NTM: variants seen among roughly 807,000 people sequenced by gnomAD.
NTM encodes IgLON family member 2.
Under a neutral mutation model 42.1 loss-of-function variants are expected in NTM, and 13 were observed. The observed-to-expected ratio is 0.31, with a 90% CI of 0.20 to 0.49. The LOEUF is 0.49. NTM is among the 20% of genes least tolerant of loss of function. NTM has a pLI of 0.99. For synonymous variants in NTM, 187 were observed against 179.2 expected (o/e 1.04, Z -0.35); for missense variants, 373 against 452.8 (o/e 0.82, Z 1.60).
At chr11:131,418,643 A>G (rs1947190572) in intron 1 of NTM, among the ~76,000 whole-genome samples, 1 of 152,218 alleles carries the variant, frequency 6.6e-6, no homozygotes, top group Middle Eastern at 3.2e-3. Flanking sequence ...CAGACTAGAC[A>G]TGATTATGTT....
chr11:131,951,821 CAAAAAAAAA>C (rs11366451), intron 2 of NTM, among the ~76,000 whole-genome samples: 1 of 70,154 alleles, frequency 1.4e-5, no homozygotes, highest in African/African-American at 5.9e-5. Flanking sequence ...GACTCCGTCT[CAAAAAAAAA>C]AAAAAAAAAA....
intron 4 of NTM, among the ~76,000 whole-genome samples, chr11:132,293,573 T>C (rs1185290959): frequency 6.6e-6 from 1 of 152,112 alleles, no homozygotes; most frequent in African/African-American, 2.4e-5. Flanking sequence ...CAGGAAATCA[T>C]AGATGACTGG....
Position 132,059,297 on chromosome 11 carries a change from C to G in NTM, c.168-86985C>G, listed in dbSNP as rs575171359. On this transcript the variant is annotated intron_variant, in intron 2 of 8. Coordinates refer to ENST00000683400, the MANE Select transcript of NTM (RefSeq NM_001352005.2). ...ACCTGGATCCTCCTCACCCTCCTCT[C>G]CTCATGGCCAGCCCAGCTCAGGGCC... 5.3e-5 allele frequency among the ~76,000 whole-genome samples: 8 copies of G among 152,330 alleles called. No individual in the cohort carries two copies. In the South Asian group the frequency reaches 1.7e-3, roughly 32 times the overall value.
chr11:132,044,217 T>C (rs1052113963), intron 2 of NTM, among the ~76,000 whole-genome samples: 4 of 152,104 alleles, frequency 2.6e-5, no homozygotes, highest in Admixed American at 2.0e-4. Flanking sequence ...TCTTATGCAC[T>C]ACCTACCACA....
At chr11:131,849,157 G>A (rs1003928055) in intron 1 of NTM, among the ~76,000 whole-genome samples, 2 of 152,184 alleles carry the variant, frequency 1.3e-5, no homozygotes, top group Non-Finnish European at 2.9e-5. Context: ...GAAGGATTTA[G>A]AGGAAGATAG....
chr11:131,829,904 T>C (rs2042605503), intron 1 of NTM, among the ~76,000 whole-genome samples: 1 of 152,170 alleles, frequency 6.6e-6, no homozygotes, highest in Admixed American at 6.5e-5. Flanking sequence ...CTCACTGTGG[T>C]TTTATTTGCA....
intron 1 of NTM, among the ~76,000 whole-genome samples, chr11:131,523,807 AAT>A (rs2050090206): frequency 1.4e-5 from 2 of 146,798 alleles, no homozygotes; most frequent in African/African-American, 2.6e-5. Flanking sequence ...AAAAAAAAAG[AAT>A]AAGAAGAAGA....
At chr11:131,988,494 A>G (rs969356717) in intron 2 of NTM, among the ~76,000 whole-genome samples, 2 of 152,124 alleles carry the variant, frequency 1.3e-5, no homozygotes, top group Non-Finnish European at 2.9e-5. Context: ...CAATGGAGCT[A>G]TCCTTTGTGG....
intron 1 of NTM, among the ~76,000 whole-genome samples, chr11:131,613,165 G>T (rs2061602789): frequency 1.3e-5 from 2 of 152,076 alleles, no homozygotes; most frequent in African/African-American, 4.8e-5. Flanking sequence ...GAAAGCATGG[G>T]CAGGGAGCTT....
At chr11:131,858,327 G>A (rs1254572928) in intron 1 of NTM, among the ~76,000 whole-genome samples, 3 of 114,656 alleles carry the variant, frequency 2.6e-5, no homozygotes, top group Non-Finnish European at 3.6e-5. Context: ...CTCCTTACCC[G>A]CCCCCACCCA....
intron 1 of NTM, among the ~76,000 whole-genome samples, chr11:131,405,942 C>A (rs981076811): frequency 6.6e-6 from 1 of 152,202 alleles, no homozygotes; most frequent in African/African-American, 2.4e-5. Flanking sequence ...TCTGCTGCTG[C>A]TGGCTGCATT....
intron 2 of NTM, among the ~76,000 whole-genome samples, chr11:131,966,072 C>T (rs2134595538): frequency 6.6e-6 from 1 of 152,150 alleles, no homozygotes; most frequent in East Asian, 1.9e-4. Flanking sequence ...GGATGAAGAA[C>T]ACTCGAGGGT....
At position 131,763,342 on chromosome 11, in the gene NTM, A is replaced by C. The variant is rs768662434; in HGVS notation, c.83-148222A>C. Among the ~76,000 whole-genome samples the C allele has an allele frequency of 1.9e-4, 29 of 152,310 alleles. No individual in the cohort carries two copies. The Middle Eastern group carries it at 0.017, about 89-fold the overall frequency. On this transcript the variant is annotated intron_variant, in intron 1 of 8. Transcript: ENST00000683400. ...ATTGAGTGTCTGAATAATTTTCAAAACAGTAATATTCTCTACCCTGGCAAG... is the reference window on the plus strand; with the variant it reads ...ATTGAGTGTCTGAATAATTTTCAAACCAGTAATATTCTCTACCCTGGCAAG...
chr11:131,763,707 C>CTTTTTTTTTTTTTTTTTT (rs1443279848), intron 1 of NTM, among the ~76,000 whole-genome samples: 1 of 60,766 alleles, frequency 1.6e-5, no homozygotes, highest in African/African-American at 4.4e-5. Context: ...CCATCTCTCT[C>CTTTTTTTTTTTTTTTTTT]TCTTTTTTTT....
intron 2 of NTM, among the ~76,000 whole-genome samples, chr11:131,967,557 C>G (rs1038858027): frequency 2.0e-5 from 3 of 151,890 alleles, no homozygotes; most frequent in Non-Finnish European, 4.4e-5. Flanking sequence ...TTTAATGGGC[C>G]AGGGAGGAGC....
chr11:132,286,040 T>C (rs1289310418), intron 4 of NTM, among the ~76,000 whole-genome samples: 1 of 152,188 alleles, frequency 6.6e-6, no homozygotes, highest in Non-Finnish European at 1.5e-5. Context: ...CCCCAAGCAC[T>C]TGGCTTGGCT....
intron 4 of NTM, among the ~76,000 whole-genome samples, chr11:132,285,294 C>T (rs185370169): frequency 3.0e-4 from 46 of 152,324 alleles, no homozygotes; most frequent in African/African-American, 1.1e-3. Flanking sequence ...GCCTTCCTCT[C>T]CACCCTGTGG....
intron 2 of NTM, among the ~76,000 whole-genome samples, chr11:132,114,897 G>C (rs1007285747): frequency 1.3e-5 from 2 of 152,168 alleles, no homozygotes; most frequent in African/African-American, 4.8e-5. Flanking sequence ...GACTAATGCT[G>C]CAGTGAACAT....
intron 2 of NTM, among the ~76,000 whole-genome samples, chr11:132,064,083 G>A (rs1216020113): frequency 2.0e-5 from 3 of 152,162 alleles, no homozygotes; most frequent in Non-Finnish European, 4.4e-5. Flanking sequence ...GAGGAAGAGA[G>A]GAGGAGGCAG....
Sources: gnomAD v4.1 joint callset for allele counts (sites outside exome capture counted in the v4.1 genomes callset) on GRCh38, gnomAD v4.1.1 for gene constraint, MANE v1.5 for transcripts, NCBI Gene and HGNC (gene_info 2026-07-23, HGNC 2026-07-21) for gene names.